The following ROR1 variants were observed in gnomAD, a reference collection of about 807,000 sequenced individuals.
ROR1 encodes the protein inactive tyrosine-protein kinase transmembrane receptor ROR1.
Under a neutral mutation model 78.8 loss-of-function variants are expected in ROR1, and 19 were observed. That is an observed-to-expected ratio of 0.24 (90% CI 0.17 to 0.35). ROR1 has a LOEUF of 0.35. Ranked by LOEUF, ROR1 falls within the 10% of genes least tolerant of loss-of-function variation. The pLI is 1.00. For missense variants in ROR1, 917 were observed against 1,177.8 expected, an observed-to-expected ratio of 0.78 and a Z score of 3.24; for synonymous variants, 386 against 433.6, an observed-to-expected ratio of 0.89 and a Z score of 1.36.
chr1:64,151,134 T>C (rs747830081), intron 7 of ROR1, among the ~76,000 whole-genome samples: 1 of 152,196 alleles, frequency 6.6e-6, no homozygotes, highest in African/African-American at 2.4e-5. Flanking sequence ...TAGGGAGGCA[T>C]TGGCAGAATT....
intron 1 of ROR1, among the ~76,000 whole-genome samples, chr1:63,991,099 TTTTTGTTTTG>T (rs59788094): frequency 0.66 from 100,076 of 150,716 alleles, 37,699 homozygotes; most frequent in East Asian, 0.94. Flanking sequence ...GTTTGTTTGT[TTTTTGTTTTG>T]TTTTGTTTTG....
In ROR1 at chr1:63,864,854, A is replaced by AT. The variant is rs1238272004; in HGVS notation, c.91+90353dup. On this transcript the variant is annotated intron_variant, in intron 1 of 8. Coordinates refer to ENST00000371079, the MANE Select transcript of ROR1 (RefSeq NM_005012.4). ...CAAAATTTCAAGGTTTTTTTTTTTA[A>AT]TTTTTTTATTTTTTTTCCTTTTGTT... Among the ~76,000 whole-genome samples, 550 of 141,492 alleles carry AT rather than the reference A, an allele frequency of 3.9e-3. 2 individuals carry two copies. Among genetic ancestry groups the AT allele is most frequent in the African/African-American group, 0.014 (531 of 36,956 alleles). The allele number at this position is 141,492 out of a possible 152,430, so 92.8% of individuals were successfully genotyped here. A position where few individuals can be genotyped will look rare whatever the true frequency, so the allele number is the denominator to read the frequency against.
chr1:63,876,842 A>G (rs1170771175), intron 1 of ROR1, among the ~76,000 whole-genome samples: 1 of 152,014 alleles, frequency 6.6e-6, no homozygotes, highest in Non-Finnish European at 1.5e-5. Context: ...CAGCAAGTAG[A>G]AGACTGCTTA....
chr1:64,107,901 T>C (rs1647891009), intron 4 of ROR1, among the ~76,000 whole-genome samples: 1 of 152,166 alleles, frequency 6.6e-6, no homozygotes, highest in African/African-American at 2.4e-5. Flanking sequence ...GAGCCAGCCA[T>C]AAATATTCAG....
chr1:64,109,769 G>A (rs6663877), intron 4 of ROR1, among the ~76,000 whole-genome samples: 18,843 of 152,054 alleles, frequency 0.12, 1,326 homozygotes, highest in Middle Eastern at 0.15. Flanking sequence ...GGCTCAAGCA[G>A]TCCTCCGCTC....
At chr1:63,911,660 G>A (rs1385780960) in intron 1 of ROR1, among the ~76,000 whole-genome samples, 2 of 151,996 alleles carry the variant, frequency 1.3e-5, no homozygotes, top group Admixed American at 6.6e-5. Flanking sequence ...AAGGACCGCT[G>A]TAGATAGTAG....
chr1:63,818,631 A>G (rs922699768), intron 1 of ROR1, among the ~76,000 whole-genome samples: 7 of 152,210 alleles, frequency 4.6e-5, no homozygotes, highest in African/African-American at 1.7e-4. Context: ...AAAAAGAGAA[A>G]ATTGTTCTTA....
At chr1:64,048,018 A>C (rs1474283773) in intron 2 of ROR1, among the ~76,000 whole-genome samples, 1 of 152,244 alleles carries the variant, frequency 6.6e-6, no homozygotes. Flanking sequence ...AGACATTAAC[A>C]ATGTTCCTTC....
At chr1:63,862,586 C>A (rs1191020014) in intron 1 of ROR1, among the ~76,000 whole-genome samples, 1 of 151,828 alleles carries the variant, frequency 6.6e-6, no homozygotes, top group South Asian at 2.1e-4. Flanking sequence ...TAAAGAAACC[C>A]GAGAGTTAGG....
At chr1:64,092,752 G>A (rs1647211492) in intron 4 of ROR1, among the ~76,000 whole-genome samples, 1 of 152,202 alleles carries the variant, frequency 6.6e-6, no homozygotes, top group South Asian at 2.1e-4. Flanking sequence ...ATCTGTGTGT[G>A]ATCTTCCTTT....
At chr1:64,067,999 C>G (rs1481536403) in intron 4 of ROR1, among the ~76,000 whole-genome samples, 1 of 152,136 alleles carries the variant, frequency 6.6e-6, no homozygotes, top group Non-Finnish European at 1.5e-5. Context: ...CTTGTATCAA[C>G]TCAGTATTAT....
At chr1:64,156,751 T>C (rs1308264333) in intron 7 of ROR1, among the ~76,000 whole-genome samples, 2 of 151,322 alleles carry the variant, frequency 1.3e-5, no homozygotes, top group African/African-American at 4.9e-5. Context: ...AGCATCACAT[T>C]TGGCAAAACT....
intron 1 of ROR1, among the ~76,000 whole-genome samples, chr1:63,859,030 C>T (rs960904369): frequency 3.9e-5 from 6 of 152,020 alleles, no homozygotes; most frequent in Admixed American, 6.5e-5. Flanking sequence ...TTTATGGTAC[C>T]TTTGTACAAA....
chr1:63,897,111 G>A (rs1645446355), intron 1 of ROR1, among the ~76,000 whole-genome samples: 1 of 152,138 alleles, frequency 6.6e-6, no homozygotes, highest in Admixed American at 6.5e-5. Flanking sequence ...TTCACTATTG[G>A]TACTGCCCTT....
chr1:63,858,946 G>A (rs1645164168), intron 1 of ROR1, among the ~76,000 whole-genome samples: 1 of 152,204 alleles, frequency 6.6e-6, no homozygotes, highest in African/African-American at 2.4e-5. Context: ...TGATTTAAAT[G>A]TGTTCCGTCT....
chr1:64,130,913 C>T lies in ROR1; in HGVS notation c.483-6456C>T, dbSNP rs937263255. 7.2e-5 allele frequency among the ~76,000 whole-genome samples: 11 copies of T among 152,152 alleles called. No homozygotes were observed. The South Asian group carries it at 8.3e-4, about 11-fold the overall frequency. On this transcript the variant is annotated intron_variant, in intron 4 of 8. Transcript: ENST00000371079. ...GAAGTGGGAAGCTTCACACTCAGCT[C>T]GAGGTTACTAGAGCCATTATGTGGC...
intron 1 of ROR1, among the ~76,000 whole-genome samples, chr1:63,787,827 A>G (rs183448020): frequency 6.6e-6 from 1 of 152,328 alleles, no homozygotes; most frequent in East Asian, 1.9e-4. Flanking sequence ...CACCCGGCCT[A>G]TCGCCCTGAT....
intron 1 of ROR1, among the ~76,000 whole-genome samples, chr1:63,997,155 T>G (rs963445042): frequency 6.6e-6 from 1 of 152,082 alleles, no homozygotes; most frequent in Non-Finnish European, 1.5e-5. Context: ...TGAAAAGGGG[T>G]TTGTTTTTCT....
intron 1 of ROR1, among the ~76,000 whole-genome samples, chr1:63,985,340 C>T (rs1570015636): frequency 1.3e-5 from 2 of 152,124 alleles, no homozygotes; most frequent in Admixed American, 6.6e-5. Flanking sequence ...AGCATTCTGC[C>T]TCAGACATTG....
Sources: gnomAD v4.1 joint callset for allele counts (sites outside exome capture counted in the v4.1 genomes callset) on GRCh38, gnomAD v4.1.1 for gene constraint, MANE v1.5 for transcripts, NCBI Gene and HGNC (gene_info 2026-07-23, HGNC 2026-07-21) for gene names.